The following FBN2 variants were observed in gnomAD, a reference collection of about 807,000 sequenced individuals.
FBN2 encodes the protein fibrillin-2.
FBN2 carries 105 observed loss-of-function variants against 355.6 expected under a neutral mutation model. The ratio of observed to expected loss-of-function variants is 0.30; its 90% CI spans 0.25 to 0.35. The LOEUF (loss-of-function observed/expected upper bound fraction) is 0.35, where lower values mean the gene tolerates loss of function less well. Among genes scored for constraint, FBN2 ranks in the 10% least tolerant of loss-of-function variants. FBN2 has a pLI of 1.00. For synonymous variants in FBN2, 1,350 were observed against 1,301.2 expected, an observed-to-expected ratio of 1.04 and a Z score of -0.81; for missense variants, 3,280 against 3,758.7, an observed-to-expected ratio of 0.87 and a Z score of 3.33.
chr5:128,306,514 C>T (rs1749884905), intron 42 of FBN2, among the ~76,000 whole-genome samples: 1 of 151,834 alleles, frequency 6.6e-6, no homozygotes. Flanking sequence ...CCCAGCTACT[C>T]AGGAGGCTGA....
intron 62 of FBN2, among the ~76,000 whole-genome samples, chr5:128,264,989 C>T (rs1765084034): frequency 6.6e-6 from 1 of 152,048 alleles, no homozygotes; most frequent in African/African-American, 2.4e-5. Flanking sequence ...TTAAAGGAGA[C>T]CACTAAATGT....
chr5:128,392,699 C>T (rs1437404837), intron 10 of FBN2, among the ~76,000 whole-genome samples: 2 of 152,158 alleles, frequency 1.3e-5, no homozygotes, highest in Non-Finnish European at 2.9e-5. Flanking sequence ...GCAAGATATT[C>T]AGTTTATCTC....
intron 5 of FBN2, among the ~76,000 whole-genome samples, chr5:128,473,609 T>C (rs78594164): frequency 2.0e-5 from 3 of 152,156 alleles, no homozygotes; most frequent in East Asian, 1.9e-4. Flanking sequence ...CCCCAACACA[T>C]GGGTTTTCTA....
Position 128,288,506 on chromosome 5 carries a change from T to A in FBN2, c.6689A>T (p.Asn2230Ile). 6.2e-7 allele frequency: 1 copy of A among 1,613,932 alleles called. No homozygotes were observed. The highest frequency in any genetic ancestry group is 8.5e-7 in the Non-Finnish European group (1 of 1,179,860). Residue 2230 changes from asparagine (N) to isoleucine (I), a missense_variant, in exon 53 of 65, where the codon AAT becomes ATT. Around this residue, in one of 6 missense-constraint regions of FBN2, gnomAD observed 2,284 missense variants for 2,749.5 expected, o/e 0.83. Coordinates refer to ENST00000262464, the MANE Select transcript of FBN2 (RefSeq NM_001999.4). The stretch of plus-strand genomic sequence containing the variant: ...ATTGCATTCAAAACTCCCAATAACA[T>A]TGGTGCATGTACCATTTCCACACGG... ...GNPCGNGTCTNVIGSFECNCN... is the reference protein window; with the variant it reads ...GNPCGNGTCTIVIGSFECNCN...
intron 5 of FBN2, among the ~76,000 whole-genome samples, chr5:128,518,438 A>C (rs995132713): frequency 6.6e-6 from 1 of 152,048 alleles, no homozygotes; most frequent in Admixed American, 6.6e-5. Context: ...CTCTTACCAA[A>C]AGGAAGCTCT....
chr5:128,266,166 G>A (rs573182502), intron 62 of FBN2, among the ~76,000 whole-genome samples: 3 of 152,284 alleles, frequency 2.0e-5, no homozygotes, highest in South Asian at 4.1e-4. Context: ...GAATTCAAGG[G>A]AAGAAAGTCA....
chr5:128,489,846 A>G (rs1357478404), intron 5 of FBN2, among the ~76,000 whole-genome samples: 1 of 152,188 alleles, frequency 6.6e-6, no homozygotes, highest in Admixed American at 6.6e-5. Context: ...ATAATTTATA[A>G]CCAGGAAGCC....
chr5:128,421,434 A>G (rs1288568146), intron 7 of FBN2, among the ~76,000 whole-genome samples: 2 of 152,218 alleles, frequency 1.3e-5, no homozygotes, highest in African/African-American at 2.4e-5. Context: ...GGAAATGGCA[A>G]TAAGTTTCAT....
intron 14 of FBN2, 35 bp from the exon 15 acceptor site, chr5:128,374,785 G>T: frequency 6.2e-7 from 1 of 1,613,044 alleles, no homozygotes; most frequent in South Asian, 1.1e-5. Context: ...AGCAGTTACT[G>T]GGTAAATTTA....
intron 6 of FBN2, among the ~76,000 whole-genome samples, chr5:128,460,085 C>A (rs1052468804): frequency 6.6e-6 from 1 of 152,174 alleles, no homozygotes; most frequent in African/African-American, 2.4e-5. Flanking sequence ...AGCCCAAAAT[C>A]TCCTGAAGCT....
chr5:128,284,743 C>T (rs1429154392), intron 55 of FBN2, among the ~76,000 whole-genome samples: 2 of 152,318 alleles, frequency 1.3e-5, no homozygotes, highest in East Asian at 1.9e-4. Context: ...ATAGTTGCTG[C>T]TTCTCCTCTT....
chr5:128,335,056 T>C, intron 30 of FBN2, 114 bp downstream of exon 30: 1 of 1,484,270 alleles, frequency 6.7e-7, no homozygotes, highest in Non-Finnish European at 9.3e-7. Context: ...AGTAAAATGA[T>C]TTGAATTTTT....
At chr5:128,377,916 A>T in intron 12 of FBN2, 39 bp from the exon 13 acceptor site, 1 of 1,572,858 alleles carries the variant, frequency 6.4e-7, no homozygotes, top group Non-Finnish European at 8.8e-7. Context: ...ATTCTTTTAC[A>T]ATACTTATAG....
In FBN2 at chr5:128,536,464, C is replaced by G. The variant is rs763698212; in HGVS notation, c.275G>C (p.Arg92Thr). Residue 92 changes from arginine to threonine, a missense_variant, in exon 2 of 65, where the codon AGA (arginine) becomes ACA (threonine). Around this residue, in one of 6 missense-constraint regions of FBN2, gnomAD observed 203 missense variants for 142.2 expected, o/e 1.43. Coordinates refer to ENST00000262464, the MANE Select transcript of FBN2 (RefSeq NM_001999.4). ...TCCAGGGCAGCAGTAGGAGTGGAAT[C>G]TGGAGCCGCACACGTTGGGCCTGTG... Reference protein sequence around the residue: ...VLRGPNVCGSRFHSYCCPGWK... With the variant: ...VLRGPNVCGSTFHSYCCPGWK... The G allele has an allele frequency of 3.1e-6, 5 of 1,613,872 alleles. No homozygotes were observed. The African/African-American group carries it at 5.3e-5, about 17-fold the overall frequency.
intron 14 of FBN2, among the ~76,000 whole-genome samples, chr5:128,374,967 C>T (rs1435104685): frequency 6.6e-6 from 1 of 152,172 alleles, no homozygotes; most frequent in Non-Finnish European, 1.5e-5. Flanking sequence ...AAAAAAGCCT[C>T]ACAATCTTCT....
intron 52 of FBN2, 98 bp downstream of exon 52, chr5:128,289,029 T>C: frequency 7.8e-7 from 1 of 1,278,794 alleles, no homozygotes; most frequent in Non-Finnish European, 1.1e-6. Context: ...CCTGGATTTG[T>C]AAATCCCCCC....
chr5:128,368,511 A>T (rs1202873903), intron 16 of FBN2, among the ~76,000 whole-genome samples: 1 of 124,202 alleles, frequency 8.1e-6, no homozygotes, highest in Non-Finnish European at 1.8e-5. Context: ...TATATATATA[A>T]TCAAATTGAG....
chr5:128,429,093 C>CT (rs1753553696), intron 7 of FBN2, among the ~76,000 whole-genome samples: 1 of 152,196 alleles, frequency 6.6e-6, no homozygotes, highest in South Asian at 2.1e-4. Context: ...CACATGTCCT[C>CT]TGCCTTTCAA....
rs185135984 is a variant in FBN2, at chr5:128,342,999, G to A, written c.3343+1386C>T. ...CGTCTCGGCCTCCCAAAGTGCTGGG[G>A]TTACAGGCATGAGCCACCATGCCCA... On this transcript the variant is annotated intron_variant, in intron 25 of 64. Coordinates refer to ENST00000262464, the MANE Select transcript of FBN2 (RefSeq NM_001999.4). Among the ~76,000 whole-genome samples the A allele has an allele frequency of 4.4e-3, 668 of 152,084 alleles. 1 individual carries two copies. The highest frequency in any genetic ancestry group is 5.9e-3 in the Non-Finnish European group (400 of 67,978).
Sources: gnomAD v4.1 joint callset for allele counts (sites outside exome capture counted in the v4.1 genomes callset) on GRCh38, gnomAD v4.1.1 for gene constraint, gnomAD v4.1.1 regional missense constraint, MANE v1.5 for transcripts, NCBI Gene and HGNC (gene_info 2026-07-23, HGNC 2026-07-21) for gene names.